Variants in UXS1 observed in about 807,000 individuals in gnomAD.
UXS1 encodes UDP-glucuronic acid decarboxylase 1.
A neutral mutation model predicts 62.6 loss-of-function variants in UXS1; 33 were observed. That is an observed-to-expected ratio of 0.53 (90% CI 0.40 to 0.70). The LOEUF is 0.70. UXS1 is among the 30% of genes least tolerant of loss of function. UXS1 has a pLI of 0.00. For synonymous variants in UXS1, 213 were observed against 206.8 expected (o/e 1.03, Z -0.26); for missense variants, 434 against 556.3 (o/e 0.78, Z 2.21).
chr2:106,144,920 A>T (rs969143083), intron 6 of UXS1, among the ~76,000 whole-genome samples: 5 of 152,204 alleles, frequency 3.3e-5, no homozygotes, highest in Non-Finnish European at 5.9e-5. Flanking sequence ...ACCACAGCAG[A>T]TGTGTACTAC....
At chr2:106,124,016 C>T (rs1274386386) in intron 8 of UXS1, among the ~76,000 whole-genome samples, 4 of 152,226 alleles carry the variant, frequency 2.6e-5, no homozygotes, top group Non-Finnish European at 5.9e-5. Flanking sequence ...TGGGTCAGCA[C>T]AGCCTCCGCA....
At chr2:106,174,657 G>T (rs1683766073) in intron 1 of UXS1, among the ~76,000 whole-genome samples, 1 of 152,240 alleles carries the variant, frequency 6.6e-6, no homozygotes. Context: ...CAGCCCTGGG[G>T]AGGGCCTAGT....
chr2:106,122,969 C>T lies in UXS1; in HGVS notation c.759+1G>A, dbSNP rs1573452449. Reference sequence around the variant, plus strand: ...CGCAAGCCTAGACCCTGGTGAAATACCTGCTTCATGTAGGCATAGCACATG... The same window carrying T: ...CGCAAGCCTAGACCCTGGTGAAATATCTGCTTCATGTAGGCATAGCACATG... On this transcript the variant is annotated splice_donor_variant, in intron 9 of 14. Coordinates refer to ENST00000283148, the MANE Select transcript of UXS1 (RefSeq NM_001253875.2). LOFTEE classifies it high-confidence loss of function. The T allele has an allele frequency of 6.2e-7, 1 of 1,613,668 alleles. No homozygotes were observed. Among genetic ancestry groups the T allele is most frequent in the Non-Finnish European group, 8.5e-7 (1 of 1,179,710 alleles).
intron 6 of UXS1, 31 bp from the exon 7 acceptor site, chr2:106,129,809 TCAAAAAAGCAC>T (rs748068897): frequency 6.7e-7 from 1 of 1,492,874 alleles, no homozygotes; most frequent in Non-Finnish European, 9.1e-7. Context: ...GCCTATTACT[TCAAAAAAGCAC>T]CAAAAAAATA....
intron 5 of UXS1, among the ~76,000 whole-genome samples, chr2:106,151,957 C>T (rs1682052099): frequency 6.6e-6 from 1 of 152,232 alleles, no homozygotes; most frequent in Middle Eastern, 3.4e-3. Flanking sequence ...TAGGGATGCA[C>T]AGTACTACAG....
intron 1 of UXS1, among the ~76,000 whole-genome samples, chr2:106,170,040 C>T (rs983374402): frequency 1.3e-5 from 2 of 152,196 alleles, no homozygotes; most frequent in Non-Finnish European, 1.5e-5. Context: ...CACCTGGAGA[C>T]GTGCCCTCTC....
chr2:106,143,395 A>C lies in UXS1; in HGVS notation c.472+1795T>G, dbSNP rs549798207. On this transcript the variant is annotated intron_variant, in intron 6 of 14. Coordinates refer to ENST00000283148, the MANE Select transcript of UXS1 (RefSeq NM_001253875.2). ...CTGCACTCCAGCCTGGGCAACAGAG[A>C]GAGACTCCGTCTCAAAAAAAAAAAA... 4.3e-3 allele frequency among the ~76,000 whole-genome samples: 484 copies of C among 111,642 alleles called. 2 individuals are homozygous for C. The highest frequency in any genetic ancestry group is 6.9e-3 in the Non-Finnish European group (389 of 56,062). The allele number at this position is 111,642 out of a possible 152,430, so 73.2% of individuals were successfully genotyped here. A position where few individuals can be genotyped will look rare whatever the true frequency, so the allele number is the denominator to read the frequency against.
intron 8 of UXS1, among the ~76,000 whole-genome samples, chr2:106,124,457 A>G (rs1473541575): frequency 1.3e-5 from 2 of 152,198 alleles, no homozygotes; most frequent in African/African-American, 4.8e-5. Context: ...ATAATTTCCA[A>G]TCATCTCCCC....
intron 10 of UXS1, among the ~76,000 whole-genome samples, 193 bp downstream of exon 10, chr2:106,112,451 ACT>A (rs1261835316): frequency 6.6e-6 from 1 of 151,942 alleles, no homozygotes; most frequent in East Asian, 1.9e-4. Flanking sequence ...GGGCAAGGTG[ACT>A]CTAGTTTCGT....
intron 1 of UXS1, 102 bp downstream of exon 1, chr2:106,194,046 G>A (rs778840939): frequency 2.3e-6 from 2 of 864,914 alleles, no homozygotes; most frequent in Non-Finnish European, 3.1e-6. Context: ...GAGCAACGCG[G>A]GGCTGCAGGG....
chr2:106,148,958 C>A (rs1272131079), intron 5 of UXS1, among the ~76,000 whole-genome samples: 2 of 152,090 alleles, frequency 1.3e-5, no homozygotes, highest in African/African-American at 4.8e-5. Flanking sequence ...CTTGTGGGTG[C>A]CAATAGGCAG....
In UXS1 at chr2:106,098,738, A is replaced by G; in HGVS notation, c.1020T>C (p.Ala340=). 1 of 1,612,010 alleles carries G rather than the reference A, an allele frequency of 6.2e-7. No individual in the cohort carries two copies. Among genetic ancestry groups the G allele is most frequent in the Non-Finnish European group, 8.5e-7 (1 of 1,178,944 alleles). Residue 340 remains alanine, a synonymous_variant, in exon 13 of 15, where the codon GCT becomes GCC. Transcript: ENST00000283148. ...TACCAACAAGGTTTTTAATTAACTG[A>G]GCAAATTCTAGGATTGTGTGTTCTT... is the stretch of plus-strand genomic sequence containing the variant. ...NPEEHTILEF[A]QLIKNLVGSG... is the part of the protein sequence containing the mutation.
chr2:106,146,360 T>A (rs930670019), intron 5 of UXS1, among the ~76,000 whole-genome samples: 5 of 152,208 alleles, frequency 3.3e-5, no homozygotes, highest in African/African-American at 4.8e-5. Context: ...CCTTTCTACC[T>A]AAAATAAAAG....
In UXS1 at chr2:106,166,091, A is replaced by G. The variant is rs777377106; in HGVS notation, c.95-8T>C. The G allele has an allele frequency of 1.9e-6, 3 of 1,610,480 alleles. No homozygotes were observed. The highest frequency in any genetic ancestry group is 1.7e-6 in the Non-Finnish European group (2 of 1,178,632). ...CGAAGTTGCCCCAAACAGCTGTAAG[A>G]GAAAGAAAAAAGGAAGTCAATGTTT... is the stretch of plus-strand genomic sequence containing the variant. On this transcript the variant is annotated splice_region_variant and splice_polypyrimidine_tract_variant and intron_variant, in intron 1 of 14. Coordinates refer to ENST00000283148, the MANE Select transcript of UXS1 (RefSeq NM_001253875.2).
intron 9 of UXS1, among the ~76,000 whole-genome samples, chr2:106,118,062 T>A (rs1451465583): frequency 2.0e-5 from 3 of 152,216 alleles, no homozygotes; most frequent in African/African-American, 7.2e-5. Flanking sequence ...GATATCACTC[T>A]GCCAGTGTCT....
chr2:106,100,218 T>A (rs1277039757), intron 12 of UXS1, among the ~76,000 whole-genome samples: 1 of 152,128 alleles, frequency 6.6e-6, no homozygotes, highest in Non-Finnish European at 1.5e-5. Context: ...ACAGTCCACA[T>A]TGGAAACCTT....
chr2:106,122,926 T>C (rs1377651615), intron 9 of UXS1, 44 bp downstream of exon 9: 1 of 1,607,138 alleles, frequency 6.2e-7, no homozygotes, highest in East Asian at 2.2e-5. Flanking sequence ...GAGGTCAGGG[T>C]GCTCAGCACG....
intron 4 of UXS1, among the ~76,000 whole-genome samples, chr2:106,158,883 T>C (rs540229197): frequency 6.6e-6 from 1 of 152,310 alleles, no homozygotes; most frequent in Non-Finnish European, 1.5e-5. Flanking sequence ...ATCTTTCAGA[T>C]TTAGCATTTT....
chr2:106,143,480 C>T (rs1393258898), intron 6 of UXS1, among the ~76,000 whole-genome samples: 1 of 141,272 alleles, frequency 7.1e-6, no homozygotes, highest in Non-Finnish European at 1.5e-5. Context: ...GGGCCCAGTG[C>T]TGTGCTAAGT....
Sources: allele counts gnomAD v4.1 joint callset (sites outside exome capture counted in the v4.1 genomes callset), GRCh38; gene constraint gnomAD v4.1.1; transcripts MANE v1.5; gene names NCBI Gene and HGNC (gene_info 2026-07-23, HGNC 2026-07-21).